The following MREG variants were observed in gnomAD, a reference collection of about 807,000 sequenced individuals.
MREG encodes the protein dilute suppressor protein homolog.
A neutral mutation model predicts 28.5 loss-of-function variants in MREG; 31 were observed. The ratio of observed to expected loss-of-function variants is 1.09; its 90% confidence interval spans 0.82 to 1.47. The LOEUF (loss-of-function observed/expected upper bound fraction) is 1.47, where lower values mean the gene tolerates loss of function less well. Among genes scored for constraint, MREG ranks in the 40% most tolerant of loss-of-function variants. The pLI, the probability that MREG is intolerant of heterozygous loss-of-function variation, is 0.00. For missense variants in MREG, 256 were observed against 257.4 expected (o/e 0.99, Z 0.04); for synonymous variants, 106 against 95.2 (o/e 1.11, Z -0.66).
At chr2:215,960,244 C>T (rs3770526) in intron 2 of MREG, among the ~76,000 whole-genome samples, 131,665 of 152,200 alleles carry the variant, frequency 0.87, 57,105 homozygotes, top group Non-Finnish European at 0.9. Context: ...CGTAAGCCAC[C>T]GTGCCCAGCC....
At chr2:216,005,087 G>C (rs1048359971) in intron 1 of MREG, among the ~76,000 whole-genome samples, 3 of 152,086 alleles carry the variant, frequency 2.0e-5, no homozygotes, top group South Asian at 4.2e-4. Flanking sequence ...CTTATATGCT[G>C]ACTTTAAACC....
At chr2:215,971,282 T>A (rs1300184159) in intron 2 of MREG, among the ~76,000 whole-genome samples, 1 of 152,160 alleles carries the variant, frequency 6.6e-6, no homozygotes, top group African/African-American at 2.4e-5. Flanking sequence ...ATTCTGCACA[T>A]GCATCCCAGA....
upstream of MREG, among the ~76,000 whole-genome samples, chr2:216,018,029 G>A (rs1299054027): frequency 6.6e-6 from 1 of 151,854 alleles, no homozygotes; most frequent in Non-Finnish European, 1.5e-5. Context: ...CATGAGTGGT[G>A]GTGCATGCCT....
chr2:216,028,504 G>A (rs1694630864), intron 1 of MREG, among the ~76,000 whole-genome samples: 1 of 144,790 alleles, frequency 6.9e-6, no homozygotes, highest in Admixed American at 7.0e-5. Flanking sequence ...CTCCAGCCTG[G>A]GCAACACAGC....
intron 1 of MREG, among the ~76,000 whole-genome samples, chr2:216,012,798 T>A (rs1384589290): frequency 1.3e-5 from 2 of 152,214 alleles, no homozygotes; most frequent in Admixed American, 6.5e-5. Flanking sequence ...TCGTCTTCGT[T>A]GGGTAATAAA....
chr2:215,971,854 A>G (rs1469805648), intron 2 of MREG, among the ~76,000 whole-genome samples: 4 of 152,242 alleles, frequency 2.6e-5, no homozygotes, highest in African/African-American at 9.6e-5. Context: ...TATGAAGGAC[A>G]GTCTGTGTTT....
downstream of MREG, among the ~76,000 whole-genome samples, chr2:215,940,175 T>C (rs532334173): frequency 2.0e-4 from 30 of 152,330 alleles, no homozygotes; most frequent in African/African-American, 5.8e-4. Context: ...GAAAACTGGA[T>C]ACCCAAATGT....
chr2:215,996,216 T>G, intron 2 of MREG, 90 bp downstream of exon 2: 2 of 1,307,148 alleles, frequency 1.5e-6, no homozygotes, highest in Non-Finnish European at 2.1e-6. Flanking sequence ...CCTTCATTCT[T>G]TTTGTTATTT....
chr2:215,941,870 T>C (rs899986958), downstream of MREG, among the ~76,000 whole-genome samples: 11 of 152,196 alleles, frequency 7.2e-5, no homozygotes, highest in African/African-American at 2.7e-4. Context: ...TTGTATCCAT[T>C]TGTCTTCTGA....
rs1336878292 is a variant in MREG, at chr2:216,013,341, C to T, written c.-14G>A. ...CCTCAGCCCCATGGAGAGCGAGGGC[C>T]CCCACCGGCGCCGGAAGCCTGGGGC... is the stretch of plus-strand genomic sequence containing the variant. On this transcript the variant is annotated 5_prime_UTR_variant, in exon 1 of 5. Transcript: ENST00000263268. 4 of 1,510,736 alleles carry T rather than the reference C, an allele frequency of 2.6e-6. No individual in the cohort carries two copies. The highest frequency in any genetic ancestry group is 2.7e-6 in the Non-Finnish European group (3 of 1,129,674). The allele number at this position is 1,510,736 out of a possible 1,614,324, so 93.6% of individuals were successfully genotyped here.
At position 215,947,037 on chromosome 2, in the gene MREG, A is replaced by G. The variant is rs568678746; in HGVS notation, c.332T>C (p.Ile111Thr). ...TTTAGACTTACCTAAATCTTCTAAGATGCACTTCCATCTGTTTCTTACTTC... is the reference window on the plus strand; with the variant it reads ...TTTAGACTTACCTAAATCTTCTAAGGTGCACTTCCATCTGTTTCTTACTTC... ...RREVRNRWKC[I>T]LEDLGFQKEA... The change falls in exon 3 of 5, where the codon ATC becomes ACC. Residue 111 changes from isoleucine (I) to threonine (T), a missense_variant. Physicochemically the swap from Ile to Thr is moderately conservative, Grantham distance 89. Coordinates refer to ENST00000263268, the MANE Select transcript of MREG (RefSeq NM_018000.3). 29 of 1,602,172 alleles carry G rather than the reference A, an allele frequency of 1.8e-5. No individual in the cohort carries two copies. Among genetic ancestry groups the G allele is most frequent in the African/African-American group, 1.7e-4 (13 of 74,698 alleles).
intron 2 of MREG, among the ~76,000 whole-genome samples, chr2:215,979,670 C>T (rs979757999): frequency 2.0e-5 from 3 of 151,856 alleles, no homozygotes; most frequent in African/African-American, 7.2e-5. Context: ...GGGTCTCTCA[C>T]TCACTCTTTT....
chr2:215,977,605 T>C (rs1381886934), intron 2 of MREG, among the ~76,000 whole-genome samples: 3 of 152,136 alleles, frequency 2.0e-5, no homozygotes, highest in Non-Finnish European at 4.4e-5. Context: ...TTGCACTTAT[T>C]CCAAAATTGA....
chr2:215,951,067 C>G (rs182509914), intron 2 of MREG, among the ~76,000 whole-genome samples: 4 of 152,116 alleles, frequency 2.6e-5, no homozygotes, highest in African/African-American at 9.7e-5. Context: ...TCTTCCCCTT[C>G]GCCCTTTTGC....
intron 1 of MREG, among the ~76,000 whole-genome samples, chr2:216,011,439 C>G (rs1694307982): frequency 6.6e-6 from 1 of 152,208 alleles, no homozygotes; most frequent in South Asian, 2.1e-4. Context: ...GTGTCACACT[C>G]TATACTAAGC....
At chr2:215,963,766 A>G (rs2105982598) in intron 2 of MREG, among the ~76,000 whole-genome samples, 1 of 152,232 alleles carries the variant, frequency 6.6e-6, no homozygotes, top group Admixed American at 6.5e-5. Flanking sequence ...GTGAAGATTC[A>G]TCCCCCTTTT....
rs1230869028 is a variant in MREG, at chr2:215,943,143, A to C, written c.*1720T>G. ...CAGACTAAATACAAGTTAGTTTTTAACCTGAATTCAGAAGTGCAAAATCTG... is the reference window on the plus strand; with the variant it reads ...CAGACTAAATACAAGTTAGTTTTTACCCTGAATTCAGAAGTGCAAAATCTG... On this transcript the variant is annotated 3_prime_UTR_variant, in exon 5 of 5. Coordinates refer to ENST00000263268, the MANE Select transcript of MREG (RefSeq NM_018000.3). 1 of 253,888 alleles carries C rather than the reference A, an allele frequency of 3.9e-6. No individual in the cohort carries two copies. Among genetic ancestry groups the C allele is most frequent in the Non-Finnish European group, 8.0e-6 (1 of 125,268 alleles). 15.7% of individuals were successfully genotyped at this position (253,888 alleles called of 1,614,324 possible).
intron 1 of MREG, among the ~76,000 whole-genome samples, chr2:216,025,173 G>T (rs375035971): frequency 6.6e-6 from 1 of 152,144 alleles, no homozygotes; most frequent in African/African-American, 2.4e-5. Flanking sequence ...ATAGGAGAAT[G>T]GTTTTGTAGT....
At chr2:215,986,686 A>T (rs566307760) in intron 2 of MREG, among the ~76,000 whole-genome samples, 24 of 152,254 alleles carry the variant, frequency 1.6e-4, no homozygotes, top group Admixed American at 6.5e-4. Flanking sequence ...ACAAGATCTG[A>T]TGGTTTCATA....
Sources: gnomAD v4.1 joint callset for allele counts (sites outside exome capture counted in the v4.1 genomes callset) on GRCh38, gnomAD v4.1.1 for gene constraint, MANE v1.5 for transcripts, NCBI Gene and HGNC (gene_info 2026-07-23, HGNC 2026-07-21) for gene names.